Variants in GALNT7 observed in about 807,000 individuals in gnomAD.
GALNT7 encodes N-acetylgalactosaminyltransferase 7.
Under a neutral mutation model 82.1 loss-of-function variants are expected in GALNT7, and 60 were observed. The ratio of observed to expected loss-of-function variants is 0.73; its 90% CI spans 0.59 to 0.91. GALNT7 has a LOEUF of 0.91. Ranked by LOEUF, GALNT7 falls within the 40% of genes least tolerant of loss-of-function variation. GALNT7 has a pLI of 0.00. For synonymous variants in GALNT7, 243 were observed against 275.1 expected, an observed-to-expected ratio of 0.88 and a Z score of 1.15; for missense variants, 660 against 804.2, an observed-to-expected ratio of 0.82 and a Z score of 2.17.
intron 1 of GALNT7, among the ~76,000 whole-genome samples, chr4:173,218,362 C>T (rs181209677): frequency 2.6e-5 from 4 of 152,182 alleles, no homozygotes; most frequent in Non-Finnish European, 4.4e-5. Flanking sequence ...AAACGTGAGA[C>T]GATTTTCTGA....
intron 2 of GALNT7, among the ~76,000 whole-genome samples, chr4:173,286,676 A>G (rs932867562): frequency 1.3e-5 from 2 of 152,212 alleles, no homozygotes; most frequent in African/African-American, 4.8e-5. Context: ...AGTTGGTTAA[A>G]GGCAGGTTCC....
chr4:173,237,407 T>C (rs574546016), intron 1 of GALNT7, among the ~76,000 whole-genome samples: 1 of 152,314 alleles, frequency 6.6e-6, no homozygotes, highest in African/African-American at 2.4e-5. Context: ...GCTATATTCA[T>C]TTTCGAGTTT....
intron 1 of GALNT7, among the ~76,000 whole-genome samples, chr4:173,231,249 G>T (rs1419771307): frequency 2.0e-5 from 3 of 152,194 alleles, no homozygotes; most frequent in Non-Finnish European, 4.4e-5. Flanking sequence ...TGCAGTGTAA[G>T]AATTGGCTTC....
At chr4:173,178,929 C>T (rs1043630755) in intron 1 of GALNT7, among the ~76,000 whole-genome samples, 9 of 152,178 alleles carry the variant, frequency 5.9e-5, no homozygotes, top group African/African-American at 1.9e-4. Flanking sequence ...ATGACCTAGT[C>T]ATTTTTTAAT....
intron 1 of GALNT7, among the ~76,000 whole-genome samples, chr4:173,184,412 C>T (rs1187179339): frequency 1.3e-5 from 2 of 152,044 alleles, no homozygotes; most frequent in African/African-American, 4.8e-5. Context: ...GCCCGACCAA[C>T]ACGGCGAAAC....
chr4:173,202,338 A>G (rs1732967959), intron 1 of GALNT7, among the ~76,000 whole-genome samples: 1 of 152,202 alleles, frequency 6.6e-6, no homozygotes, highest in Admixed American at 6.5e-5. Flanking sequence ...CATACATTAT[A>G]GAAGGCAGAG....
At chr4:173,275,126 A>G (rs2126795868) in intron 2 of GALNT7, among the ~76,000 whole-genome samples, 1 of 152,346 alleles carries the variant, frequency 6.6e-6, no homozygotes, top group Non-Finnish European at 1.5e-5. Flanking sequence ...TTGGGGGCTC[A>G]TTAGGACACT....
chr4:173,273,574 T>C (rs1164987536), intron 2 of GALNT7, among the ~76,000 whole-genome samples: 1 of 152,142 alleles, frequency 6.6e-6, no homozygotes, highest in Non-Finnish European at 1.5e-5. Context: ...ATATTGTGAT[T>C]TACCCATAAG....
At chr4:173,192,224 G>A (rs1355577094) in intron 1 of GALNT7, among the ~76,000 whole-genome samples, 4 of 152,258 alleles carry the variant, frequency 2.6e-5, no homozygotes, top group South Asian at 2.1e-4. Context: ...ATAAAGAAGC[G>A]TTATTCCTTT....
rs1240318033 is a variant in GALNT7 at position 173,235,559 on chromosome 4, T to TTC, written c.127-12420_127-12419insCT. 1.1e-4 allele frequency among the ~76,000 whole-genome samples: 16 copies of TTC among 150,310 alleles called. No homozygotes were observed. The East Asian group carries it at 2.5e-3, about 24-fold the overall frequency. The stretch of plus-strand genomic sequence containing the variant: ...AGAAAGCCTTTTCTTTTCTTTTCTT[T>TTC]TTTTTTTTTTTCTTGAGACAGAGTC... On this transcript the variant is annotated intron_variant, in intron 1 of 11. Transcript: ENST00000265000.
chr4:173,314,340 C>T (rs1170447657), intron 9 of GALNT7, among the ~76,000 whole-genome samples, 164 bp downstream of exon 9: 1 of 152,212 alleles, frequency 6.6e-6, no homozygotes, highest in East Asian at 1.9e-4. Context: ...AGCTGCCAGA[C>T]CAGCTGGCCA....
rs970111323 is a variant in GALNT7 at position 173,172,975 on chromosome 4, T to A, written c.126+4014T>A. The stretch of plus-strand genomic sequence containing the variant: ...TGCCTACAGAAAGTATGTATTTGTC[T>A]ATAGAACAGGTAGCAGGAGTCCTGG... On this transcript the variant is annotated intron_variant, in intron 1 of 11. Coordinates refer to ENST00000265000, the MANE Select transcript of GALNT7 (RefSeq NM_017423.3). Among the ~76,000 whole-genome samples, 9 of 152,130 alleles carry A rather than the reference T, an allele frequency of 5.9e-5. No individual in the cohort carries two copies. The South Asian group carries it at 6.2e-4, about 10-fold the overall frequency.
rs117387780 is a variant in GALNT7 at position 173,202,645 on chromosome 4, C to T, written c.126+33684C>T. 1.8e-4 allele frequency among the ~76,000 whole-genome samples: 28 copies of T among 152,306 alleles called. No individual in the cohort carries two copies. The East Asian group carries it at 5.2e-3, about 28-fold the overall frequency. ...ACTGATTTGTTGACCTGGCCATTTA[C>T]AGCATTTGTTTGACCATACCACCTG... On this transcript the variant is annotated intron_variant, in intron 1 of 11. Coordinates refer to ENST00000265000, the MANE Select transcript of GALNT7 (RefSeq NM_017423.3).
At chr4:173,234,190 T>C (rs1407937954) in intron 1 of GALNT7, among the ~76,000 whole-genome samples, 1 of 152,226 alleles carries the variant, frequency 6.6e-6, no homozygotes, top group Non-Finnish European at 1.5e-5. Context: ...GTCTCTTCTA[T>C]AGTCTCACCC....
chr4:173,214,972 C>T (rs975270878), intron 1 of GALNT7, among the ~76,000 whole-genome samples: 1 of 152,146 alleles, frequency 6.6e-6, no homozygotes, highest in Non-Finnish European at 1.5e-5. Context: ...AATGCCAGTT[C>T]TTATAGTTAA....
chr4:173,247,889 C>T (rs1734701852), intron 1 of GALNT7, 91 bp from the exon 2 acceptor site: 1 of 753,412 alleles, frequency 1.3e-6, no homozygotes, highest in Admixed American at 2.6e-5. Context: ...GTTGCCTCAG[C>T]CTTTTTCAAA....
intron 2 of GALNT7, among the ~76,000 whole-genome samples, chr4:173,265,366 G>T (rs983195933): frequency 2.6e-5 from 4 of 152,106 alleles, no homozygotes; most frequent in African/African-American, 9.7e-5. Context: ...AGTTGTCATG[G>T]TCTTTCCCCA....
chr4:173,243,583 A>C (rs1734507574), intron 1 of GALNT7, among the ~76,000 whole-genome samples: 2 of 152,178 alleles, frequency 1.3e-5, no homozygotes, highest in Admixed American at 1.3e-4. Context: ...GTAAAGTATT[A>C]CACCACTTTA....
In GALNT7 at chr4:173,317,413, C is replaced by G. The variant is rs547347827; in HGVS notation, c.1609-221C>G. Reference sequence around the variant, plus strand: ...TGGTATTTTACGGAAATGTATAGTCCTTTGCTCTTAGAGAAAGAACCCATT... The same window carrying G: ...TGGTATTTTACGGAAATGTATAGTCGTTTGCTCTTAGAGAAAGAACCCATT... On this transcript the variant is annotated intron_variant, in intron 9 of 11. Transcript: ENST00000265000. 6.4e-5 allele frequency: 28 copies of G among 436,730 alleles called. 1 individual carries two copies. The South Asian group carries it at 7.4e-4, about 12-fold the overall frequency. The allele number at this position is 436,730 out of a possible 1,614,324, so 27.1% of individuals were successfully genotyped here. A position where few individuals can be genotyped will look rare whatever the true frequency, so the allele number is the denominator to read the frequency against.
Sources: gnomAD v4.1 joint callset for allele counts (sites outside exome capture counted in the v4.1 genomes callset) on GRCh38, gnomAD v4.1.1 for gene constraint, MANE v1.5 for transcripts, NCBI Gene and HGNC (gene_info 2026-07-23, HGNC 2026-07-21) for gene names.